PARD3: variants seen among roughly 807,000 people sequenced by gnomAD.
The protein encoded by PARD3 is partitioning defective 3 homolog.
A neutral mutation model predicts 155.4 loss-of-function variants in PARD3; 75 were observed. The ratio of observed to expected loss-of-function variants is 0.48; its 90% CI spans 0.40 to 0.58. PARD3 has a LOEUF of 0.58. Among genes scored for constraint, PARD3 ranks in the 20% least tolerant of loss-of-function variants. PARD3 has a pLI of 0.00. For missense variants in PARD3, 1,642 were observed against 1,721.7 expected, an observed-to-expected ratio of 0.95 and a Z score of 0.82; for synonymous variants, 576 against 610.5, an observed-to-expected ratio of 0.94 and a Z score of 0.83.
intron 16 of PARD3, among the ~76,000 whole-genome samples, chr10:34,339,048 T>C (rs1478625611): frequency 2.0e-5 from 3 of 152,016 alleles, no homozygotes; most frequent in Non-Finnish European, 4.4e-5. Context: ...TACACCCAAG[T>C]GAAAAAAACA....
chr10:34,791,127 G>A (rs1400923733), intron 1 of PARD3, among the ~76,000 whole-genome samples: 1 of 152,202 alleles, frequency 6.6e-6, no homozygotes, highest in Non-Finnish European at 1.5e-5. Flanking sequence ...TTTCCAGTAA[G>A]AGCATTCAAA....
chr10:34,397,702 G>T (rs1334891286), intron 7 of PARD3, among the ~76,000 whole-genome samples: 2 of 152,136 alleles, frequency 1.3e-5, no homozygotes, highest in Non-Finnish European at 2.9e-5. Context: ...TCCTTTCACA[G>T]TGAGGTAGAA....
intron 22 of PARD3, among the ~76,000 whole-genome samples, chr10:34,166,444 C>T (rs752919814): frequency 1.9e-4 from 29 of 152,146 alleles, no homozygotes; most frequent in Non-Finnish European, 3.8e-4. Flanking sequence ...GAGATCCTGT[C>T]TCTACAAAAA....
At chr10:34,181,412 C>T (rs1304894540) in intron 22 of PARD3, among the ~76,000 whole-genome samples, 2 of 152,136 alleles carry the variant, frequency 1.3e-5, no homozygotes, top group Non-Finnish European at 2.9e-5. Context: ...GAAAAGCATT[C>T]ATATGCAAAA....
chr10:34,595,049 G>A (rs1419573460), intron 2 of PARD3, among the ~76,000 whole-genome samples: 1 of 152,162 alleles, frequency 6.6e-6, no homozygotes, highest in Non-Finnish European at 1.5e-5. Flanking sequence ...ATAATGATTA[G>A]TCTTAATTTA....
intron 2 of PARD3, among the ~76,000 whole-genome samples, chr10:34,637,520 C>G (rs2092523692): frequency 6.6e-6 from 1 of 152,160 alleles, no homozygotes; most frequent in Non-Finnish European, 1.5e-5. Context: ...CCGGATCGTG[C>G]ATTTGAATTC....
chr10:34,761,369 C>A (rs1404995878), intron 1 of PARD3, among the ~76,000 whole-genome samples: 1 of 152,158 alleles, frequency 6.6e-6, no homozygotes, highest in Non-Finnish European at 1.5e-5. Flanking sequence ...CACAATCACA[C>A]CACTGCACTC....
At chr10:34,455,462 T>C (rs1255314720) in intron 4 of PARD3, among the ~76,000 whole-genome samples, 4 of 152,100 alleles carry the variant, frequency 2.6e-5, no homozygotes, top group Non-Finnish European at 2.9e-5. Flanking sequence ...AATCTGAAAT[T>C]AGGAGACTGA....
chr10:34,225,723 T>TGAGGTA (rs1564497821), intron 22 of PARD3, among the ~76,000 whole-genome samples: 2 of 152,174 alleles, frequency 1.3e-5, no homozygotes, highest in Non-Finnish European at 2.9e-5. Flanking sequence ...TCATCTCATA[T>TGAGGTA]ACAAAAATTA....
At chr10:34,511,910 G>A (rs1202228097) in intron 3 of PARD3, among the ~76,000 whole-genome samples, 2 of 152,102 alleles carry the variant, frequency 1.3e-5, no homozygotes, top group East Asian at 3.9e-4. Flanking sequence ...ATTTTTAATA[G>A]AGACAAGGTC....
intron 2 of PARD3, among the ~76,000 whole-genome samples, chr10:34,556,439 G>A (rs575669361): frequency 6.7e-6 from 1 of 148,498 alleles, no homozygotes; most frequent in Non-Finnish European, 1.5e-5. Context: ...CTAGAGTGCA[G>A]TGGCGAGATC....
intron 22 of PARD3, among the ~76,000 whole-genome samples, chr10:34,233,163 C>T (rs531086659): frequency 1.3e-5 from 2 of 151,804 alleles, no homozygotes; most frequent in East Asian, 1.9e-4. Flanking sequence ...CCCCATCAGG[C>T]GTGTAGCCAG....
At chr10:34,652,538 G>A (rs780257870) in intron 2 of PARD3, among the ~76,000 whole-genome samples, 6 of 152,106 alleles carry the variant, frequency 3.9e-5, no homozygotes, top group South Asian at 2.1e-4. Flanking sequence ...ATAGAAATAC[G>A]ACTCCAAGAC....
intron 1 of PARD3, among the ~76,000 whole-genome samples, chr10:34,792,258 G>A (rs1210457222): frequency 6.6e-6 from 1 of 152,100 alleles, no homozygotes; most frequent in African/African-American, 2.4e-5. Flanking sequence ...GCTCTTCCCT[G>A]TAGGAAGAAA....
At chr10:34,121,816 T>C (rs1475501468) in intron 23 of PARD3, among the ~76,000 whole-genome samples, 2 of 152,246 alleles carry the variant, frequency 1.3e-5, no homozygotes, top group Non-Finnish European at 2.9e-5. Context: ...AGGGGCTTTA[T>C]AACCACACTC....
chr10:34,503,165 C>T (rs921599809), intron 3 of PARD3, among the ~76,000 whole-genome samples: 3 of 152,226 alleles, frequency 2.0e-5, no homozygotes, highest in South Asian at 2.1e-4. Flanking sequence ...TAGGCTATAA[C>T]ATCTCTGCCA....
intron 1 of PARD3, among the ~76,000 whole-genome samples, chr10:34,764,435 T>C (rs1224704336): frequency 1.3e-5 from 2 of 152,204 alleles, no homozygotes; most frequent in African/African-American, 2.4e-5. Context: ...TTCCTCATCT[T>C]TGAGTGATAC....
At chr10:34,680,471 A>G (rs1266309373) in intron 2 of PARD3, among the ~76,000 whole-genome samples, 1 of 151,524 alleles carries the variant, frequency 6.6e-6, no homozygotes, top group Non-Finnish European at 1.5e-5. Flanking sequence ...GAGGCAGGAG[A>G]TCACTTGAAC....
chr10:34,327,195 A>C (rs1835117356), intron 19 of PARD3, among the ~76,000 whole-genome samples: 1 of 152,198 alleles, frequency 6.6e-6, no homozygotes, highest in Non-Finnish European at 1.5e-5. Flanking sequence ...AAGAGGGAGC[A>C]GATTGTCAAT....
Sources: gnomAD v4.1 joint callset for allele counts (sites outside exome capture counted in the v4.1 genomes callset) on GRCh38, gnomAD v4.1.1 for gene constraint, MANE v1.5 for transcripts, NCBI Gene and HGNC (gene_info 2026-07-23, HGNC 2026-07-21) for gene names.